The following ARHGEF10 variants were observed in gnomAD, a reference collection of about 807,000 sequenced individuals.
The protein encoded by ARHGEF10 is Rho guanine nucleotide exchange factor 10.
Under a neutral mutation model 147.4 loss-of-function variants are expected in ARHGEF10, and 140 were observed. That is an observed-to-expected ratio of 0.95 (90% CI 0.83 to 1.09). ARHGEF10 has a LOEUF of 1.09. Ranked by LOEUF, ARHGEF10 falls within the 50% of genes least tolerant of loss-of-function variation. The pLI is 0.00. For synonymous variants in ARHGEF10, 902 were observed against 695.8 expected (o/e 1.30, Z -4.67); for missense variants, 2,222 against 1,752.7 (o/e 1.27, Z -4.78).
intron 17 of ARHGEF10, among the ~76,000 whole-genome samples, 197 bp from the exon 18 acceptor site, chr8:1,909,098 C>A (rs561953179): frequency 3.9e-5 from 6 of 152,358 alleles, no homozygotes; most frequent in Admixed American, 3.3e-4. Flanking sequence ...CACTCTCTCT[C>A]ATCCAGTTCG....
chr8:1,894,352 A>C, intron 12 of ARHGEF10, 41 bp from the exon 13 acceptor site: 1 of 1,612,186 alleles, frequency 6.2e-7, no homozygotes, highest in African/African-American at 1.3e-5. Context: ...CCAGGCTCTG[A>C]AAAAGAAAAG....
rs536064709 is a variant in ARHGEF10 at position 1,930,087 on chromosome 8, C to T, written c.3079+644C>T. On this transcript the variant is annotated intron_variant, in intron 25 of 28. Coordinates refer to ENST00000349830, the MANE Select transcript of ARHGEF10 (RefSeq NM_014629.4). ...TGGGAGCTCTGGGTACGGGGCTTTCCTTCCAGCTTCCTTGGTGCTGGCTGA... is the reference window on the plus strand; with the variant it reads ...TGGGAGCTCTGGGTACGGGGCTTTCTTTCCAGCTTCCTTGGTGCTGGCTGA... Among the ~76,000 whole-genome samples, 6 of 152,182 alleles carry T rather than the reference C, an allele frequency of 3.9e-5. No individual in the cohort carries two copies. The South Asian group carries it at 1.2e-3, about 32-fold the overall frequency.
At position 1,885,714 on chromosome 8, in the gene ARHGEF10, T is replaced by G; in HGVS notation, c.1182+7T>G. 6.2e-7 allele frequency: 1 copy of G among 1,601,498 alleles called. No individual in the cohort carries two copies. Among genetic ancestry groups the G allele is most frequent in the Non-Finnish European group, 8.6e-7 (1 of 1,168,594 alleles). On this transcript the variant is annotated splice_region_variant and intron_variant, in intron 11 of 28. Coordinates refer to ENST00000349830, the MANE Select transcript of ARHGEF10 (RefSeq NM_014629.4). The stretch of plus-strand genomic sequence containing the variant: ...GGGTTTATCTCAGCAGCAGGTGAGA[T>G]GAGCAGAGCTGACAGGGGCTGTTGA...
At chr8:1,871,472 A>T (rs1807121061) in intron 7 of ARHGEF10, among the ~76,000 whole-genome samples, 1 of 152,230 alleles carries the variant, frequency 6.6e-6, no homozygotes, top group Non-Finnish European at 1.5e-5. Flanking sequence ...AACATTACAT[A>T]AACTATATGG....
intron 1 of ARHGEF10, among the ~76,000 whole-genome samples, chr8:1,833,052 G>A (rs199535112): frequency 1.8e-3 from 9 of 4,964 alleles, no homozygotes; most frequent in Admixed American, 3.0e-3. Context: ...AGAGACAGAG[G>A]CAGAGAGAGA....
At chr8:1,933,773 G>A (rs753007042) in intron 25 of ARHGEF10, 27 bp from the exon 26 acceptor site, 2 of 1,614,050 alleles carry the variant, frequency 1.2e-6, no homozygotes, top group South Asian at 2.2e-5. Context: ...AACTGAACTT[G>A]AATGAAATGA....
intron 27 of ARHGEF10, among the ~76,000 whole-genome samples, chr8:1,951,939 C>T (rs1460432732): frequency 6.6e-6 from 1 of 152,226 alleles, no homozygotes; most frequent in Non-Finnish European, 1.5e-5. Context: ...GCGGGGTCTT[C>T]CCTGTAACCG....
chr8:1,842,462 G>A (rs1021290256), intron 1 of ARHGEF10, among the ~76,000 whole-genome samples: 1 of 152,186 alleles, frequency 6.6e-6, no homozygotes, highest in African/African-American at 2.4e-5. Flanking sequence ...ACGTGAGGCC[G>A]GTGACCACCC....
At chr8:1,956,614 T>C (rs1054405592) in intron 28 of ARHGEF10, 135 bp from the exon 29 acceptor site, 1 of 831,936 alleles carries the variant, frequency 1.2e-6, no homozygotes, top group African/African-American at 1.7e-5. Context: ...TTATTATTCA[T>C]GTATGCAAGT....
At chr8:1,917,120 A>G (rs751050657) in intron 18 of ARHGEF10, among the ~76,000 whole-genome samples, 4 of 152,222 alleles carry the variant, frequency 2.6e-5, no homozygotes, top group Non-Finnish European at 4.4e-5. Context: ...AGACATCCTT[A>G]CACATTAGTC....
At chr8:1,860,508 G>A (rs911591251) in intron 4 of ARHGEF10, among the ~76,000 whole-genome samples, 5 of 152,068 alleles carry the variant, frequency 3.3e-5, no homozygotes, top group Non-Finnish European at 5.9e-5. Context: ...CGTAGAGTCC[G>A]GGCCTGACCT....
In ARHGEF10 at chr8:1,894,171, C is replaced by CAA. The variant is rs536453124; in HGVS notation, c.1261-209_1261-208dup. Reference sequence around the variant, plus strand: ...CACGGGTGACAGACTGAGACTGTCTCAAAAAAAAAAAAAAGAAAAATGTCT... The same window carrying CAA: ...CACGGGTGACAGACTGAGACTGTCTCAAAAAAAAAAAAAAAAGAAAAATGTCT... On this transcript the variant is annotated intron_variant, in intron 12 of 28. Transcript: ENST00000349830. 6.4e-3 allele frequency among the ~76,000 whole-genome samples: 861 copies of CAA among 135,392 alleles called. 5 individuals are homozygous for CAA. Among genetic ancestry groups the CAA allele is most frequent in the Admixed American group, 9.0e-3 (122 of 13,556 alleles). The allele number at this position is 135,392 out of a possible 152,430, so 88.8% of individuals were successfully genotyped here.
At chr8:1,935,727 TG>T (rs1338985255) in intron 26 of ARHGEF10, among the ~76,000 whole-genome samples, 1 of 152,200 alleles carries the variant, frequency 6.6e-6, no homozygotes, top group Non-Finnish European at 1.5e-5. Context: ...GCAACCTTGT[TG>T]GTATCACAAA....
intron 9 of ARHGEF10, among the ~76,000 whole-genome samples, chr8:1,881,100 G>A (rs1287344554): frequency 1.3e-5 from 2 of 152,170 alleles, no homozygotes; most frequent in Non-Finnish European, 2.9e-5. Flanking sequence ...TCACAGACAC[G>A]GGGAGTGCCC....
chr8:1,853,966 G>T (rs985120317), intron 2 of ARHGEF10, among the ~76,000 whole-genome samples: 14 of 152,248 alleles, frequency 9.2e-5, no homozygotes, highest in African/African-American at 3.4e-4. Context: ...CCTGTTTGCA[G>T]ACGAGCTCAC....
intron 28 of ARHGEF10, 102 bp from the exon 29 acceptor site, chr8:1,956,647 G>T (rs1585684472): frequency 4.0e-6 from 5 of 1,241,982 alleles, no homozygotes; most frequent in African/African-American, 1.5e-5. Flanking sequence ...TTGTTATTTG[G>T]GCAGGGAGGA....
At chr8:1,883,143 T>C (rs1808361864) in intron 10 of ARHGEF10, among the ~76,000 whole-genome samples, 1 of 152,128 alleles carries the variant, frequency 6.6e-6, no homozygotes, top group South Asian at 2.1e-4. Flanking sequence ...AGGAATCTTT[T>C]CCTTGGTGAG....
chr8:1,914,707 A>G (rs1245781634), intron 18 of ARHGEF10, among the ~76,000 whole-genome samples: 1 of 152,156 alleles, frequency 6.6e-6, no homozygotes, highest in East Asian at 1.9e-4. Context: ...GCGTCATCTG[A>G]ACGTTGTACT....
rs1434404045 is a variant in ARHGEF10 at position 1,866,562 on chromosome 8, C to T, written c.582C>T (p.Ala194=). The T allele has an allele frequency of 1.9e-6, 3 of 1,608,906 alleles. No homozygotes were observed. Among genetic ancestry groups the T allele is most frequent in the African/African-American group, 1.3e-5 (1 of 74,896 alleles). The change falls in exon 6 of 29, where the codon GCC becomes GCT. Residue 194 remains alanine, a synonymous_variant. Transcript: ENST00000349830. ...DQVGREDSAL[A]RWAADPANTA... ...TCGGTCGAGAGGACAGCGCACTTGC[C>T]CGCTGGGCCGCAGACCCGGCCAACA...
Sources: gnomAD v4.1 joint callset for allele counts (sites outside exome capture counted in the v4.1 genomes callset) on GRCh38, gnomAD v4.1.1 for gene constraint, MANE v1.5 for transcripts, NCBI Gene and HGNC (gene_info 2026-07-23, HGNC 2026-07-21) for gene names.